The following ANK3 variants were observed in gnomAD, a reference collection of about 807,000 sequenced individuals.
The protein encoded by ANK3 is ankyrin-3.
Under a neutral mutation model 370.9 loss-of-function variants are expected in ANK3, and 57 were observed. The observed-to-expected ratio is 0.15, with a 90% CI of 0.12 to 0.19. ANK3 has a LOEUF of 0.19. ANK3 is among the 10% of genes least tolerant of loss of function. ANK3 has a pLI of 1.00. For synonymous variants in ANK3, 1,929 were observed against 1,946.3 expected (o/e 0.99, Z 0.23); for missense variants, 4,439 against 5,302.1 (o/e 0.84, Z 5.06).
At chr10:60,680,958 G>A (rs1373748344) in intron 1 of ANK3, among the ~76,000 whole-genome samples, 1 of 152,074 alleles carries the variant, frequency 6.6e-6, no homozygotes, top group Non-Finnish European at 1.5e-5. Flanking sequence ...AACAGTGCCT[G>A]GTACACATGA....
Position 60,063,147 on chromosome 10 carries a change from C to A in ANK3, c.12559G>T (p.Ala4187Ser). The change falls in exon 40 of 44, where the codon GCA (alanine) becomes TCA (serine). Residue 4187 changes from alanine to serine, a missense_variant. Transcript: ENST00000280772. Reference protein sequence around the residue: ...YGNISGTRSFADENNVFHDPV... With the variant: ...YGNISGTRSFSDENNVFHDPV... ...TCATGGAAAACATTGTTCTCATCTG[C>A]AAAACTTCTGGTGCCTGAAATATTT... 1 of 1,613,308 alleles carries A rather than the reference C, an allele frequency of 6.2e-7. No homozygotes were observed. The highest frequency in any genetic ancestry group is 8.5e-7 in the Non-Finnish European group (1 of 1,179,742).
intron 2 of ANK3, among the ~76,000 whole-genome samples, chr10:60,521,824 C>T (rs2076354655): frequency 6.6e-6 from 1 of 152,086 alleles, no homozygotes; most frequent in Non-Finnish European, 1.5e-5. Context: ...CAAAATCTCC[C>T]ATTTTCTAAA....
At chr10:60,258,637 A>G (rs1038660405) in intron 7 of ANK3, among the ~76,000 whole-genome samples, 1 of 152,142 alleles carries the variant, frequency 6.6e-6, no homozygotes, top group Non-Finnish European at 1.5e-5. Context: ...GGAAAGGAAC[A>G]TCTATTGCAT....
intron 8 of ANK3, among the ~76,000 whole-genome samples, chr10:60,222,416 T>C (rs1216119403): frequency 8.5e-6 from 1 of 118,174 alleles, no homozygotes; most frequent in Non-Finnish European, 1.9e-5. Flanking sequence ...TCACACTTAA[T>C]TCAGTTAAAA....
chr10:60,186,044 C>T (rs1006986804), intron 17 of ANK3, among the ~76,000 whole-genome samples: 4 of 152,146 alleles, frequency 2.6e-5, no homozygotes, highest in Non-Finnish European at 4.4e-5. Flanking sequence ...AATGAACTCA[C>T]GAAGGCAGCA....
intron 27 of ANK3, 73 bp downstream of exon 27, chr10:60,108,757 T>C (rs2092439841): frequency 7.6e-7 from 1 of 1,313,860 alleles, no homozygotes; most frequent in South Asian, 1.3e-5. Flanking sequence ...AGTTATCTCC[T>C]TGAGTTAACA....
chr10:60,363,443 A>G (rs1734695009), intron 1 of ANK3, among the ~76,000 whole-genome samples: 1 of 152,222 alleles, frequency 6.6e-6, no homozygotes, highest in African/African-American at 2.4e-5. Context: ...GTATCTGGAT[A>G]GAGGCAAGAA....
At chr10:60,692,213 T>G (rs1262491299) in intron 1 of ANK3, among the ~76,000 whole-genome samples, 1 of 152,226 alleles carries the variant, frequency 6.6e-6, no homozygotes, top group Non-Finnish European at 1.5e-5. Context: ...ATCAAATCAC[T>G]GGGCAGTGTT....
Position 60,419,901 on chromosome 10 carries a change from A to G in ANK3, c.97-140262T>C, listed in dbSNP as rs2063744045. Among the ~76,000 whole-genome samples, 6 of 152,030 alleles carry G rather than the reference A, an allele frequency of 3.9e-5. No individual in the cohort carries two copies. In the South Asian group the frequency reaches 1.2e-3, roughly 31 times the overall value. ...TGGGCCTTGCTTTTCTTTTCTCTAC[A>G]TATCTTAGAGTATTTCTGCTAGCAG... On this transcript the variant is annotated intron_variant, in intron 2 of 43. Transcript: ENST00000373827.
intron 1 of ANK3, among the ~76,000 whole-genome samples, chr10:60,623,358 C>A (rs2078364428): frequency 2.0e-5 from 3 of 152,000 alleles, no homozygotes; most frequent in Admixed American, 1.3e-4. Flanking sequence ...AGCAATTAAG[C>A]TTTTTTGACA....
intron 8 of ANK3, among the ~76,000 whole-genome samples, chr10:60,223,836 T>C (rs756100805): frequency 6.6e-6 from 1 of 152,212 alleles, no homozygotes; most frequent in Non-Finnish European, 1.5e-5. Context: ...GATTTCCTTT[T>C]TCTACTCAGA....
intron 1 of ANK3, among the ~76,000 whole-genome samples, chr10:60,294,285 A>G (rs1433470796): frequency 6.6e-6 from 1 of 152,220 alleles, no homozygotes; most frequent in Non-Finnish European, 1.5e-5. Context: ...ATAGGAAATT[A>G]CAATACAGTG....
intron 40 of ANK3, 101 bp from the exon 41 acceptor site, chr10:60,059,531 T>C (rs973903413): frequency 7.9e-6 from 10 of 1,260,020 alleles, no homozygotes; most frequent in Non-Finnish European, 1.2e-5. Context: ...CTTCTTCAAG[T>C]TGAATGTCCT....
intron 1 of ANK3, among the ~76,000 whole-genome samples, chr10:60,382,801 AT>A (rs2061721118): frequency 5.2e-5 from 2 of 38,304 alleles, no homozygotes; most frequent in African/African-American, 1.2e-4. Context: ...CTAAATCTAT[AT>A]ATATATATAT....
At chr10:60,079,290 G>C (rs545545471) in intron 36 of ANK3, among the ~76,000 whole-genome samples, 1 of 150,402 alleles carries the variant, frequency 6.6e-6, no homozygotes, top group Non-Finnish European at 1.5e-5. Flanking sequence ...GGAGGATTTC[G>C]ACATTTCTGC....
chr10:60,479,486 A>T (rs1232182847), intron 2 of ANK3, among the ~76,000 whole-genome samples: 1 of 152,196 alleles, frequency 6.6e-6, no homozygotes, highest in Non-Finnish European at 1.5e-5. Flanking sequence ...ATTTCTCAGT[A>T]CTTATCCCCA....
chr10:60,485,318 A>AG (rs34498634), intron 2 of ANK3, among the ~76,000 whole-genome samples: 70,093 of 151,934 alleles, frequency 0.46, 16,654 homozygotes, highest in Middle Eastern at 0.56. Context: ...GGAAGGCTAC[A>AG]GTCTCGGCAA....
At position 60,594,064 on chromosome 10, in the gene ANK3, T is replaced by A. The variant is rs1263266559; in HGVS notation, c.96+21122A>T. Reference sequence around the variant, plus strand: ...AAATGACCGATATTCATAGAAGAGATTTATAGAACTAAAACTTATTAAAGA... The same window carrying A: ...AAATGACCGATATTCATAGAAGAGAATTATAGAACTAAAACTTATTAAAGA... On this transcript the variant is annotated intron_variant, in intron 2 of 43. Transcript: ENST00000373827. 2.0e-5 allele frequency among the ~76,000 whole-genome samples: 3 copies of A among 152,214 alleles called. No homozygotes were observed. In the East Asian group the frequency reaches 5.8e-4, roughly 29 times the overall value.
chr10:60,431,165 G>A (rs988550238), intron 2 of ANK3, among the ~76,000 whole-genome samples: 1 of 152,192 alleles, frequency 6.6e-6, no homozygotes, highest in Admixed American at 6.5e-5. Flanking sequence ...TGGGAGCCCT[G>A]AGCTTGTTTT....
Sources: allele counts gnomAD v4.1 joint callset (sites outside exome capture counted in the v4.1 genomes callset), GRCh38; gene constraint gnomAD v4.1.1; transcripts MANE v1.5; gene names NCBI Gene and HGNC (gene_info 2026-07-23, HGNC 2026-07-21).